AK9: variants seen among roughly 807,000 people sequenced by gnomAD.
The protein encoded by AK9 is adenylate kinase 9, also known as adenylate kinase domain containing 1.
In AK9, 191 loss-of-function variants were observed where a neutral mutation model predicts 239.6. That is an observed-to-expected ratio of 0.80 (90% CI 0.71 to 0.90). The LOEUF (loss-of-function observed/expected upper bound fraction) is 0.90. Among genes scored for constraint, AK9 ranks in the 40% least tolerant of loss-of-function variants. The probability of loss-of-function intolerance (pLI) is 0.00; values close to 1 mark genes in which losing one functional copy is unlikely to be tolerated. For synonymous variants in AK9, 689 were observed against 721.0 expected (o/e 0.96, Z 0.71); for missense variants, 1,995 against 2,214.7 (o/e 0.90, Z 1.99).
At chr6:109,500,102 A>G (rs1777463473) in intron 35 of AK9, among the ~76,000 whole-genome samples, 1 of 151,808 alleles carries the variant, frequency 6.6e-6, no homozygotes, top group Admixed American at 6.6e-5. Context: ...CCGCACATTT[A>G]TAAACTTGCT....
chr6:109,595,366 G>A (rs1790878166), intron 17 of AK9, among the ~76,000 whole-genome samples: 1 of 152,220 alleles, frequency 6.6e-6, no homozygotes, highest in South Asian at 2.1e-4. Flanking sequence ...TGCTGGAGAG[G>A]ACATGGAGAA....
intron 24 of AK9, among the ~76,000 whole-genome samples, chr6:109,563,392 T>C (rs1358210083): frequency 6.6e-6 from 1 of 152,192 alleles, no homozygotes; most frequent in East Asian, 1.9e-4. Context: ...TGCAAAATAG[T>C]TTCCTTTTAT....
At chr6:109,519,017 GAGTACCC>G in intron 29 of AK9, among the ~76,000 whole-genome samples, 1 of 152,194 alleles carries the variant, frequency 6.6e-6, no homozygotes, top group Non-Finnish European at 1.5e-5. Context: ...TTATGTCCAT[GAGTACCC>G]AGTGTTTAGC....
At chr6:109,686,429 T>C (rs1394273168) in intron 1 of AK9, among the ~76,000 whole-genome samples, 1 of 152,218 alleles carries the variant, frequency 6.6e-6, no homozygotes, top group Non-Finnish European at 1.5e-5. Flanking sequence ...CCTCTTTAGT[T>C]TTCAAAGAGA....
rs1261416544 is a variant in AK9 at position 109,509,293 on chromosome 6, G to A, written c.4367C>T (p.Thr1456Ile). The A allele has an allele frequency of 6.4e-7, 1 of 1,551,652 alleles. No homozygotes were observed. The highest frequency in any genetic ancestry group is 8.7e-7 in the Non-Finnish European group (1 of 1,147,014). ...CCAATTTAACATAAGTGCCAGCTCT[G>A]TTTCCGGGTGATTGTTTAGTACATA... ...LRYVLNNHPE[T>I]ELALMLNWHL... The change falls in exon 33 of 41, where the codon ACA becomes ATA. Residue 1456 changes from threonine (T) to isoleucine (I), a missense_variant. Physicochemically the swap from Thr to Ile is moderately conservative, Grantham distance 89. Around this residue, in one of 5 missense-constraint regions of AK9, gnomAD observed 45 missense variants for 80.5 expected, o/e 0.56. Coordinates refer to ENST00000424296, the MANE Select transcript of AK9 (RefSeq NM_001145128.3).
intron 8 of AK9, among the ~76,000 whole-genome samples, chr6:109,650,941 T>C (rs1296394077): frequency 6.6e-6 from 1 of 152,070 alleles, no homozygotes; most frequent in Non-Finnish European, 1.5e-5. Flanking sequence ...GGGACATGGA[T>C]GAAACTGGAA....
Position 109,495,567 on chromosome 6 carries a change from T to A in AK9, c.5316-127A>T, listed in dbSNP as rs565251153. The A allele has an allele frequency of 6.2e-4, 348 of 563,102 alleles. 1 individual carries two copies. The highest frequency in any genetic ancestry group is 9.5e-4 in the Admixed American group (25 of 26,390). The allele number at this position is 563,102 out of a possible 1,614,324, so 34.9% of individuals were successfully genotyped here. On this transcript the variant is annotated intron_variant, in intron 38 of 40. Transcript: ENST00000424296. ...TCTGCACTGGAGAAAATGATACAAG[T>A]GGGAATGCTGGGGCTCCTGGAAGTG...
intron 17 of AK9, among the ~76,000 whole-genome samples, chr6:109,599,004 T>C (rs1394981341): frequency 6.6e-6 from 1 of 152,184 alleles, no homozygotes; most frequent in Non-Finnish European, 1.5e-5. Flanking sequence ...ATTGCAAAAA[T>C]TTTCTCCCAT....
chr6:109,563,534 C>T (rs981221203), intron 24 of AK9, 63 bp downstream of exon 24: 25 of 1,529,978 alleles, frequency 1.6e-5, no homozygotes, highest in Admixed American at 6.0e-5. Flanking sequence ...ATAGTTACCA[C>T]TCTTATTTGC....
At position 109,611,956 on chromosome 6, in the gene AK9, G is replaced by C. The variant is rs1793635357; in HGVS notation, c.1693+54C>G. 14 of 1,201,348 alleles carry C rather than the reference G, an allele frequency of 1.2e-5. No individual in the cohort carries two copies. The South Asian group carries it at 2.0e-4, about 17-fold the overall frequency. The allele number at this position is 1,201,348 out of a possible 1,614,324, so 74.4% of individuals were successfully genotyped here. On this transcript the variant is annotated intron_variant, in intron 16 of 40. Coordinates refer to ENST00000424296, the MANE Select transcript of AK9 (RefSeq NM_001145128.3). Reference sequence around the variant, plus strand: ...CTTCTAAATTCTGAGGGAACTACTTGTGTTTTTTAGAACCACAATCTAAAA... The same window carrying C: ...CTTCTAAATTCTGAGGGAACTACTTCTGTTTTTTAGAACCACAATCTAAAA...
At chr6:109,668,426 CTT>C (rs547671844) in intron 5 of AK9, among the ~76,000 whole-genome samples, 89 of 151,896 alleles carry the variant, frequency 5.9e-4, no homozygotes, top group Non-Finnish European at 1.0e-3. Context: ...TCAATTTTGA[CTT>C]TTGTTGCCAT....
chr6:109,618,427 C>G (rs1416854882), intron 13 of AK9, among the ~76,000 whole-genome samples: 1 of 100,804 alleles, frequency 9.9e-6, no homozygotes, highest in South Asian at 4.8e-4. Context: ...TGGAGAAAAA[C>G]AGAAAAAAAA....
chr6:109,579,597 T>C lies in AK9; in HGVS notation c.2144A>G (p.Glu715Gly), dbSNP rs1031426634. The C allele has an allele frequency of 5.2e-6, 8 of 1,551,318 alleles. No individual in the cohort carries two copies. The highest frequency in any genetic ancestry group is 6.1e-6 in the Non-Finnish European group (7 of 1,146,826). The stretch of plus-strand genomic sequence containing the variant: ...TTCCAGTAGCCTTCGATTTTCTTCT[T>C]CGAGTCTCAATTCCTCTTCTGTGGC... ...RKATEEELRLEEENRRLLELM... is the reference protein window; with the variant it reads ...RKATEEELRLGEENRRLLELM... The change falls in exon 20 of 41, where the codon GAA (glutamate) becomes GGA (glycine). Residue 715 changes from glutamate (E) to glycine (G), a missense_variant. Transcript: ENST00000424296.
At chr6:109,500,492 G>A (rs1320993669) in intron 35 of AK9, among the ~76,000 whole-genome samples, 3 of 152,128 alleles carry the variant, frequency 2.0e-5, no homozygotes, top group East Asian at 1.9e-4. Context: ...TAGCCAGTAC[G>A]TTTTGTTAGT....
intron 24 of AK9, among the ~76,000 whole-genome samples, chr6:109,551,442 C>A (rs1784339894): frequency 6.6e-6 from 1 of 151,094 alleles, no homozygotes; most frequent in Admixed American, 6.6e-5. Flanking sequence ...TCACTTGAGT[C>A]CGAGAGGTGG....
chr6:109,585,076 C>T (rs1789321160), intron 19 of AK9, 47 bp downstream of exon 19: 2 of 1,018,526 alleles, frequency 2.0e-6, no homozygotes, highest in East Asian at 7.5e-5. Context: ...TATTTAACTG[C>T]TATAACAGAT....
intron 32 of AK9, among the ~76,000 whole-genome samples, chr6:109,509,871 C>A (rs984017750): frequency 6.6e-6 from 1 of 152,036 alleles, no homozygotes; most frequent in African/African-American, 2.4e-5. Context: ...GGTGCAGGAC[C>A]CAGGCATCTC....
chr6:109,633,324 C>T lies in AK9; in HGVS notation c.934-1G>A. 2 of 1,590,116 alleles carry T rather than the reference C, an allele frequency of 1.3e-6. No homozygotes were observed. The highest frequency in any genetic ancestry group is 1.7e-6 in the Non-Finnish European group (2 of 1,175,944). On this transcript the variant is annotated splice_acceptor_variant, in intron 10 of 40. Transcript: ENST00000424296. LOFTEE classifies it high-confidence loss of function. ...ATGCAAGAGTACGAAATAGCTCATC[C>T]TGTGAATTGCAAATACTACATTAAA...
intron 21 of AK9, among the ~76,000 whole-genome samples, chr6:109,570,535 T>C (rs898126248): frequency 2.0e-5 from 3 of 152,122 alleles, no homozygotes; most frequent in African/African-American, 7.2e-5. Context: ...GATTCATCCA[T>C]GTAACCAAAA....
Sources: gnomAD v4.1 joint callset for allele counts (sites outside exome capture counted in the v4.1 genomes callset) on GRCh38, gnomAD v4.1.1 for gene constraint, gnomAD v4.1.1 regional missense constraint, MANE v1.5 for transcripts, NCBI Gene and HGNC (gene_info 2026-07-23, HGNC 2026-07-21) for gene names.